SFTPD: variants seen among roughly 807,000 people sequenced by gnomAD.
SFTPD encodes the protein surfactant protein D.
A neutral mutation model predicts 34.6 loss-of-function variants in SFTPD; 18 were observed. The ratio of observed to expected loss-of-function variants is 0.52; its 90% CI spans 0.36 to 0.77. The LOEUF is 0.77. SFTPD is among the 30% of genes least tolerant of loss of function. The probability of loss-of-function intolerance (pLI) is 0.00; values close to 1 mark genes in which losing one functional copy is unlikely to be tolerated. For missense variants in SFTPD, 433 were observed against 468.9 expected, an observed-to-expected ratio of 0.92 and a Z score of 0.71; for synonymous variants, 155 against 180.9, an observed-to-expected ratio of 0.86 and a Z score of 1.15.
chr10:79,965,047 A>G (rs1564534380), intron 1 of SFTPD, among the ~76,000 whole-genome samples: 2 of 152,136 alleles, frequency 1.3e-5, no homozygotes, highest in South Asian at 4.1e-4. Flanking sequence ...CATACACTTT[A>G]CTGTCCTCAA....
chr10:79,957,021 G>GTTCTGCAGCCA (rs1554817841), intron 1 of SFTPD, among the ~76,000 whole-genome samples: 8 of 150,310 alleles, frequency 5.3e-5, no homozygotes, highest in East Asian at 2.1e-4. Flanking sequence ...AGCCACCGCT[G>GTTCTGCAGCCA]CTGATACCCA....
At chr10:79,946,230 G>A (rs1842662945) in intron 2 of SFTPD, among the ~76,000 whole-genome samples, 1 of 152,180 alleles carries the variant, frequency 6.6e-6, no homozygotes, top group South Asian at 2.1e-4. Context: ...GGGATAGGAA[G>A]GATCCGGGGA....
chr10:79,960,696 A>G (rs1445243189), intron 1 of SFTPD, among the ~76,000 whole-genome samples: 1 of 152,118 alleles, frequency 6.6e-6, no homozygotes, highest in Non-Finnish European at 1.5e-5. Flanking sequence ...GGAAGAATCA[A>G]TATCGTGAAA....
At chr10:79,980,654 G>A (rs138833908) in intron 1 of SFTPD, among the ~76,000 whole-genome samples, 66 of 152,306 alleles carry the variant, frequency 4.3e-4, no homozygotes, top group Admixed American at 9.8e-4. Flanking sequence ...AGAAGGTATG[G>A]GAAGAGAACA....
rs773620329 is a variant in SFTPD at position 79,938,074 on chromosome 10, C to G, written c.906G>C (p.Gln302His). The change falls in exon 8 of 8, where the codon CAG becomes CAC. Residue 302 changes from glutamine to histidine, a missense_variant. Gln to His is a conservative substitution (Grantham distance 24). Transcript: ENST00000372292. The part of the protein sequence containing the change: ...RSAAENAALQ[Q>H]LVVAKNEAAF... Reference sequence around the variant, plus strand: ...CAGCCTCGTTCTTAGCTACGACCAGCTGTTGCAAGGCGGCATTCTCAGCGG... The same window carrying G: ...CAGCCTCGTTCTTAGCTACGACCAGGTGTTGCAAGGCGGCATTCTCAGCGG... 1.9e-5 allele frequency: 30 copies of G among 1,614,066 alleles called. No individual in the cohort carries two copies. The highest frequency in any genetic ancestry group is 2.0e-5 in the Non-Finnish European group (24 of 1,180,028).
chr10:79,949,261 C>G (rs1842694246), upstream of SFTPD, among the ~76,000 whole-genome samples: 1 of 152,214 alleles, frequency 6.6e-6, no homozygotes, highest in Non-Finnish European at 1.5e-5. Context: ...CACTGATATT[C>G]ACAATACTAT....
chr10:79,967,801 A>G (rs552136263), intron 1 of SFTPD, among the ~76,000 whole-genome samples: 1 of 152,276 alleles, frequency 6.6e-6, no homozygotes, highest in African/African-American at 2.4e-5. Context: ...TCCTGCCTTA[A>G]CTGATGACAT....
At chr10:79,943,676 C>T (rs1002340051) in intron 2 of SFTPD, among the ~76,000 whole-genome samples, 1 of 152,134 alleles carries the variant, frequency 6.6e-6, no homozygotes, top group Non-Finnish European at 1.5e-5. Context: ...TCTGTGCTGG[C>T]GTATCCCAGC....
chr10:79,954,057 T>G (rs1842726031), upstream of SFTPD, among the ~76,000 whole-genome samples: 1 of 152,124 alleles, frequency 6.6e-6, no homozygotes, highest in South Asian at 2.1e-4. Flanking sequence ...ATTTTGTTTA[T>G]GTATTGTTTT....
chr10:79,964,993 T>G (rs1225665980), intron 1 of SFTPD, among the ~76,000 whole-genome samples: 6 of 152,152 alleles, frequency 3.9e-5, no homozygotes, highest in African/African-American at 1.4e-4. Flanking sequence ...ATTAGTCAAA[T>G]CACCCAAACA....
rs534566496 is a variant in SFTPD at position 79,964,048 on chromosome 10, C to A, written c.37-17386G>T. Among the ~76,000 whole-genome samples the A allele has an allele frequency of 2.4e-4, 36 of 152,248 alleles. No homozygotes were observed. In the South Asian group the frequency reaches 7.5e-3, roughly 32 times the overall value. On this transcript the variant is annotated intron_variant, in intron 1 of 5. Coordinates refer to the SFTPD transcript ENST00000444384. ...CATTCACCAGCAAAGGCAGGCTATG[C>A]TATAGTATCTTCCACACCTATCATT...
intron 4 of SFTPD, 94 bp downstream of exon 4, chr10:79,942,294 T>C: frequency 1.1e-6 from 1 of 875,624 alleles, no homozygotes; most frequent in South Asian, 1.5e-5. Context: ...GGGTCTGGGC[T>C]CTCCCTGGCA....
At chr10:79,941,927 C>A in intron 5 of SFTPD, 27 bp downstream of exon 5, 1 of 1,485,536 alleles carries the variant, frequency 6.7e-7, no homozygotes, top group Non-Finnish European at 9.4e-7. Context: ...CTGGACCCAG[C>A]CCAGCCCAGC....
At chr10:79,944,836 C>G (rs1177172140) in intron 2 of SFTPD, among the ~76,000 whole-genome samples, 11 of 152,138 alleles carry the variant, frequency 7.2e-5, no homozygotes, top group Admixed American at 7.2e-4. Flanking sequence ...TCACCCTCCA[C>G]CCCTGCTCAA....
At chr10:79,943,280 G>T (rs1027366678) in intron 2 of SFTPD, among the ~76,000 whole-genome samples, 3 of 152,104 alleles carry the variant, frequency 2.0e-5, no homozygotes, top group Non-Finnish European at 4.4e-5. Flanking sequence ...TCAGTTATTG[G>T]TCGATTTGCT....
rs377172060 is a variant in SFTPD, at chr10:79,975,991, G to T, written c.36+6584C>A. Among the ~76,000 whole-genome samples the T allele has an allele frequency of 5.9e-5, 9 of 152,182 alleles. No homozygotes were observed. The East Asian group carries it at 1.3e-3, about 23-fold the overall frequency. ...ACAACCTTCCAGCGTGGGTGTTATG[G>T]TTATCATGAACATGTTACAGTGCTG... On this transcript the variant is annotated intron_variant, in intron 1 of 5. Transcript: ENST00000444384.
intron 7 of SFTPD, 136 bp downstream of exon 7, chr10:79,940,569 C>G: frequency 1.6e-6 from 1 of 621,660 alleles, no homozygotes. Flanking sequence ...CCAGCTCATT[C>G]CCATCCTAGA....
At chr10:79,943,870 C>G (rs1197186801) in intron 2 of SFTPD, among the ~76,000 whole-genome samples, 1 of 152,198 alleles carries the variant, frequency 6.6e-6, no homozygotes, top group Non-Finnish European at 1.5e-5. Context: ...CCATGTGGAG[C>G]CTTGCTTGGG....
chr10:79,964,572 A>G (rs1842793123), intron 1 of SFTPD, among the ~76,000 whole-genome samples: 1 of 152,068 alleles, frequency 6.6e-6, no homozygotes, highest in South Asian at 2.1e-4. Flanking sequence ...GGCCCATTCT[A>G]TTCTGTTGTC....
Sources: gnomAD v4.1 joint callset for allele counts (sites outside exome capture counted in the v4.1 genomes callset) on GRCh38, gnomAD v4.1.1 for gene constraint, MANE v1.5 for transcripts, NCBI Gene and HGNC (gene_info 2026-07-23, HGNC 2026-07-21) for gene names.